DSCAM: variants seen among roughly 807,000 people sequenced by gnomAD.
DSCAM encodes the protein cell adhesion molecule DSCAM.
A neutral mutation model predicts 217.7 loss-of-function variants in DSCAM; 47 were observed. The ratio of observed to expected loss-of-function variants is 0.22; its 90% CI spans 0.17 to 0.28. The LOEUF is 0.28. DSCAM is among the 10% of genes least tolerant of loss of function. The pLI, the probability that DSCAM is intolerant of heterozygous loss-of-function variation, is 1.00. For missense variants in DSCAM, 2,080 were observed against 2,618.3 expected (o/e 0.79, Z 4.49); for synonymous variants, 1,056 against 1,015.3 (o/e 1.04, Z -0.76).
Position 40,536,698 on chromosome 21 carries a change from A to G in DSCAM, c.508+156112T>C, listed in dbSNP as rs186798106. On this transcript the variant is annotated intron_variant, in intron 3 of 32. Coordinates refer to ENST00000400454, the MANE Select transcript of DSCAM (RefSeq NM_001389.5). ...AGGGATTACAGGCGTGAGCCACTGC[A>G]CCCGGTCCCGGTAGATTCTAATCTA... Among the ~76,000 whole-genome samples, 150 of 152,218 alleles carry G rather than the reference A, an allele frequency of 9.9e-4. No individual in the cohort carries two copies. The East Asian group carries it at 0.016, about 16-fold the overall frequency.
intron 1 of DSCAM, among the ~76,000 whole-genome samples, chr21:40,778,895 A>G (rs2091513685): frequency 6.6e-6 from 1 of 152,046 alleles, no homozygotes; most frequent in East Asian, 1.9e-4. Context: ...ATGATGGTGC[A>G]TGCCTGTAAT....
At chr21:40,387,665 C>T (rs890301519) in intron 3 of DSCAM, among the ~76,000 whole-genome samples, 5 of 152,136 alleles carry the variant, frequency 3.3e-5, no homozygotes, top group African/African-American at 4.8e-5. Context: ...ACCTCTAACA[C>T]ATTAGAGAAC....
intron 19 of DSCAM, 148 bp from the exon 20 acceptor site, chr21:40,124,476 T>C: frequency 1.0e-6 from 1 of 976,016 alleles, no homozygotes; most frequent in Non-Finnish European, 1.5e-6. Flanking sequence ...CAAATGCATA[T>C]GTTGAAGTCC....
At chr21:40,093,504 G>T (rs1006149877) in intron 21 of DSCAM, among the ~76,000 whole-genome samples, 3 of 152,126 alleles carry the variant, frequency 2.0e-5, no homozygotes, top group Non-Finnish European at 1.5e-5. Flanking sequence ...CCATTGTAAG[G>T]CCACTCATTC....
rs79254451 is a variant in DSCAM at position 40,333,702 on chromosome 21, C to G, written c.1783+4399G>C. Reference sequence around the variant, plus strand: ...ATTTTATTTAAGACCCTTCTAAGTTCTGAGTAAAGGCTAAGATTGCGAATG... The same window carrying G: ...ATTTTATTTAAGACCCTTCTAAGTTGTGAGTAAAGGCTAAGATTGCGAATG... On this transcript the variant is annotated intron_variant, in intron 8 of 32. Transcript: ENST00000400454. Among the ~76,000 whole-genome samples, 1,125 of 152,316 alleles carry G rather than the reference C, an allele frequency of 7.4e-3. 4 individuals carry two copies. Among genetic ancestry groups the G allele is most frequent in the Middle Eastern group, 0.034 (10 of 294 alleles).
intron 3 of DSCAM, chr21:40,384,568 T>G (rs148492987): frequency 0.026 from 4,014 of 153,088 alleles, 166 homozygotes; most frequent in African/African-American, 0.092. Flanking sequence ...GATCGCACCA[T>G]TGCTCTCCAG....
rs1490669970 is a variant in DSCAM at position 40,363,883 on chromosome 21, T to C, written c.655+5216A>G. On this transcript the variant is annotated intron_variant, in intron 4 of 32. Coordinates refer to ENST00000400454, the MANE Select transcript of DSCAM (RefSeq NM_001389.5). ...GTGGGCAAAGGATATGAACAGACAC[T>C]TCTCAAAAGAAGACATTTATGCAGC... Among the ~76,000 whole-genome samples the C allele has an allele frequency of 2.0e-5, 3 of 152,272 alleles. No individual in the cohort carries two copies. The East Asian group carries it at 5.8e-4, about 29-fold the overall frequency.
chr21:40,651,737 G>A (rs1568963774), intron 3 of DSCAM, among the ~76,000 whole-genome samples: 2 of 152,168 alleles, frequency 1.3e-5, no homozygotes, highest in Non-Finnish European at 2.9e-5. Flanking sequence ...GATTGCTCAA[G>A]AAATATCTTG....
At chr21:40,532,896 GTGTGTGTGTGTGTGCA>G (rs1274952727) in intron 3 of DSCAM, among the ~76,000 whole-genome samples, 3 of 146,842 alleles carry the variant, frequency 2.0e-5, no homozygotes, top group African/African-American at 7.8e-5. Flanking sequence ...GTGTGTGTGT[GTGTGTGTGTGTGTGCA>G]CACGCACGCG....
intron 1 of DSCAM, among the ~76,000 whole-genome samples, chr21:40,830,573 C>T (rs2092004718): frequency 6.6e-6 from 1 of 152,196 alleles, no homozygotes. Context: ...TGCAGGAGTT[C>T]TGGAATTAGA....
rs550775154 is a variant in DSCAM at position 40,702,787 on chromosome 21, T to C, written c.361+5667A>G. On this transcript the variant is annotated intron_variant, in intron 2 of 32. Transcript: ENST00000400454. The stretch of plus-strand genomic sequence containing the variant: ...GCTTATTAGCTATAACTCTGTTTTG[T>C]TATTTTAGAGGTTGCTTTAGGTTTT... Among the ~76,000 whole-genome samples, 8 of 152,282 alleles carry C rather than the reference T, an allele frequency of 5.3e-5. No individual in the cohort carries two copies. In the East Asian group the frequency reaches 1.3e-3, roughly 26 times the overall value.
intron 11 of DSCAM, among the ~76,000 whole-genome samples, chr21:40,268,074 C>T (rs1398008856): frequency 6.6e-6 from 1 of 152,136 alleles, no homozygotes; most frequent in East Asian, 1.9e-4. Flanking sequence ...CAGCCTTTGC[C>T]CTTGCTAATT....
intron 20 of DSCAM, 24 bp downstream of exon 20, chr21:40,124,171 G>T (rs775303996): frequency 1.2e-6 from 2 of 1,613,764 alleles, no homozygotes; most frequent in Non-Finnish European, 1.7e-6. Context: ...CGCTTGAAAG[G>T]CACTTGGTTA....
chr21:40,732,795 A>G (rs1184740748), intron 1 of DSCAM, among the ~76,000 whole-genome samples: 3 of 152,220 alleles, frequency 2.0e-5, no homozygotes, highest in African/African-American at 7.2e-5. Flanking sequence ...ATATGTGACT[A>G]TTATCACCAT....
intron 3 of DSCAM, among the ~76,000 whole-genome samples, chr21:40,632,752 G>A (rs949558433): frequency 1.3e-5 from 2 of 152,260 alleles, no homozygotes; most frequent in Non-Finnish European, 2.9e-5. Flanking sequence ...GCACCTGTGC[G>A]GTGCTTTTAG....
chr21:40,131,791 T>C (rs1398255270), intron 19 of DSCAM, among the ~76,000 whole-genome samples: 3 of 152,290 alleles, frequency 2.0e-5, no homozygotes, highest in Admixed American at 2.0e-4. Context: ...TTGGGGTAAC[T>C]GGGGTACCCA....
chr21:40,365,421 C>T (rs975506803), intron 4 of DSCAM, among the ~76,000 whole-genome samples: 6 of 152,292 alleles, frequency 3.9e-5, no homozygotes, highest in Non-Finnish European at 8.8e-5. Context: ...CTGAAGGGTG[C>T]ACTGTTGGCT....
chr21:40,661,177 T>C (rs928331191), intron 3 of DSCAM, among the ~76,000 whole-genome samples: 1 of 152,244 alleles, frequency 6.6e-6, no homozygotes, highest in Non-Finnish European at 1.5e-5. Context: ...CGATATCATT[T>C]ATATGCATTT....
intron 19 of DSCAM, 34 bp downstream of exon 19, chr21:40,133,820 A>T: frequency 6.4e-7 from 1 of 1,562,460 alleles, no homozygotes; most frequent in Non-Finnish European, 8.7e-7. Context: ...CCCTTCCAGC[A>T]ACTGCTGGGA....
Sources: gnomAD v4.1 joint callset for allele counts (sites outside exome capture counted in the v4.1 genomes callset) on GRCh38, gnomAD v4.1.1 for gene constraint, MANE v1.5 for transcripts, NCBI Gene and HGNC (gene_info 2026-07-23, HGNC 2026-07-21) for gene names.